Variants in KHDRBS2 observed in about 807,000 individuals in gnomAD.
KHDRBS2 encodes the protein KH domain-containing, RNA-binding, signal transduction-associated protein 2.
In KHDRBS2, 26 loss-of-function variants were observed where a neutral mutation model predicts 44.3. That is an observed-to-expected ratio of 0.59 (90% CI 0.43 to 0.81). KHDRBS2 has a LOEUF of 0.81. Ranked by LOEUF, KHDRBS2 falls within the 40% of genes least tolerant of loss-of-function variation. The pLI, the probability that KHDRBS2 is intolerant of heterozygous loss-of-function variation, is 0.00. For missense variants in KHDRBS2, 476 were observed against 433.1 expected (o/e 1.10, Z -0.88); for synonymous variants, 194 against 151.1 (o/e 1.28, Z -2.08).
At chr6:62,064,659 A>T (rs1793056715) in intron 2 of KHDRBS2, among the ~76,000 whole-genome samples, 1 of 151,932 alleles carries the variant, frequency 6.6e-6, no homozygotes, top group Non-Finnish European at 1.5e-5. Context: ...TGAACGTTAG[A>T]CCTAAAACCA....
intron 4 of KHDRBS2, among the ~76,000 whole-genome samples, chr6:61,973,208 T>A (rs1040754864): frequency 2.6e-5 from 4 of 152,182 alleles, no homozygotes; most frequent in African/African-American, 9.6e-5. Flanking sequence ...CAGGGACACA[T>A]TTTTATATTT....
intron 6 of KHDRBS2, among the ~76,000 whole-genome samples, chr6:61,868,234 G>A (rs968035205): frequency 2.0e-5 from 3 of 152,148 alleles, no homozygotes; most frequent in Non-Finnish European, 2.9e-5. Context: ...AAGCAGCCAA[G>A]CCATGATGGG....
Position 62,239,031 on chromosome 6 carries a change from T to A in KHDRBS2, c.91+46827A>T, listed in dbSNP as rs191226612. On this transcript the variant is annotated intron_variant, in intron 1 of 8. Coordinates refer to ENST00000281156, the MANE Select transcript of KHDRBS2 (RefSeq NM_152688.4). ...TTATGAAAGACAAAGATGTTAGGGA[T>A]TAAAGAGACATGACAACCCAATGTA... is the stretch of plus-strand genomic sequence containing the variant. Among the ~76,000 whole-genome samples the A allele has an allele frequency of 2.4e-3, 359 of 152,272 alleles. 1 individual carries two copies. The highest frequency in any genetic ancestry group is 2.5e-3 in the Non-Finnish European group (167 of 68,006).
At chr6:62,015,080 A>G (rs1033970753) in intron 3 of KHDRBS2, among the ~76,000 whole-genome samples, 2 of 152,168 alleles carry the variant, frequency 1.3e-5, no homozygotes, top group African/African-American at 4.8e-5. Context: ...CTGAATGTTA[A>G]TGCAACAAGG....
At chr6:62,188,334 T>C (rs757897989) in intron 1 of KHDRBS2, among the ~76,000 whole-genome samples, 2 of 152,154 alleles carry the variant, frequency 1.3e-5, no homozygotes, top group Non-Finnish European at 2.9e-5. Flanking sequence ...CCCCTGGTAA[T>C]CACAATTCTA....
At chr6:61,719,771 A>T (rs4710260) in intron 7 of KHDRBS2, among the ~76,000 whole-genome samples, 24,983 of 151,410 alleles carry the variant, frequency 0.17, 2,502 homozygotes, top group East Asian at 0.29. Context: ...TCTTTTTTTT[A>T]AATTTATTTA....
chr6:61,717,359 A>G (rs1771623544), intron 7 of KHDRBS2, among the ~76,000 whole-genome samples: 2 of 151,994 alleles, frequency 1.3e-5, no homozygotes, highest in African/African-American at 4.8e-5. Flanking sequence ...GAGAGAGAGA[A>G]AAAAAACAGT....
At chr6:62,263,881 T>C (rs1013400447) in intron 1 of KHDRBS2, among the ~76,000 whole-genome samples, 7 of 151,752 alleles carry the variant, frequency 4.6e-5, no homozygotes, top group African/African-American at 1.7e-4. Context: ...AATCAGAAAA[T>C]GCTTTAATTT....
chr6:62,074,202 A>C (rs959715550), intron 2 of KHDRBS2, among the ~76,000 whole-genome samples: 47 of 151,938 alleles, frequency 3.1e-4, no homozygotes, highest in African/African-American at 1.1e-3. Flanking sequence ...AACACAAATT[A>C]AATAAGCTAG....
the KHDRBS2 span, among the ~76,000 whole-genome samples, chr6:61,660,799 T>C: frequency 2.6e-5 from 4 of 151,884 alleles, no homozygotes; most frequent in Admixed American, 2.6e-4. Flanking sequence ...AAAAAGGTGA[T>C]ACTTGGCAGG....
chr6:61,840,309 CTG>C (rs755816149), intron 6 of KHDRBS2, among the ~76,000 whole-genome samples: 4 of 152,044 alleles, frequency 2.6e-5, no homozygotes, highest in Admixed American at 6.6e-5. Flanking sequence ...ATAAAAATGA[CTG>C]TGGTTGCTTG....
At chr6:62,272,805 G>A (rs1041637159) in intron 1 of KHDRBS2, among the ~76,000 whole-genome samples, 6 of 152,090 alleles carry the variant, frequency 3.9e-5, no homozygotes, top group South Asian at 2.1e-4. Flanking sequence ...TTATAATATC[G>A]TATGTAGTTT....
the KHDRBS2 span, among the ~76,000 whole-genome samples, chr6:61,624,291 A>G: frequency 1.6e-3 from 243 of 152,260 alleles, no homozygotes; most frequent in African/African-American, 5.6e-3. Context: ...GTGGCTATAC[A>G]CTGGCTCTGT....
chr6:61,853,281 G>A (rs1795714056), intron 6 of KHDRBS2, among the ~76,000 whole-genome samples: 2 of 151,958 alleles, frequency 1.3e-5, no homozygotes, highest in Admixed American at 1.3e-4. Flanking sequence ...TGGTTATTAA[G>A]GCTATTTTTA....
At chr6:61,909,927 T>C (rs1805742722) in intron 4 of KHDRBS2, among the ~76,000 whole-genome samples, 2 of 152,342 alleles carry the variant, frequency 1.3e-5, no homozygotes, top group Middle Eastern at 3.4e-3. Flanking sequence ...ACTGTGTTTA[T>C]AGCCACTGGT....
the KHDRBS2 span, among the ~76,000 whole-genome samples, chr6:61,628,210 CTTTTTTTTTTTTTTTT>C: frequency 3.6e-5 from 3 of 82,312 alleles, no homozygotes; most frequent in African/African-American, 1.1e-4. Flanking sequence ...CATGTGTAGC[CTTTTTTTTTTTTTTTT>C]TTTTTTTTTT....
Position 61,848,552 on chromosome 6 carries a change from C to T in KHDRBS2, c.810+46083G>A, listed in dbSNP as rs9445500. 6.0e-3 allele frequency among the ~76,000 whole-genome samples: 224 copies of T among 37,070 alleles called. 14 individuals are homozygous for T. Among genetic ancestry groups the T allele is most frequent in the Middle Eastern group, 0.014 (1 of 74 alleles). The allele number at this position is 37,070 out of a possible 152,430, so 24.3% of individuals were successfully genotyped here. ...ATATACATATATATGTATATATATA[C>T]ATATATATATGTATATATATATACA... On this transcript the variant is annotated intron_variant, in intron 6 of 8. Coordinates refer to ENST00000281156, the MANE Select transcript of KHDRBS2 (RefSeq NM_152688.4).
chr6:61,629,478 C>T, the KHDRBS2 span, among the ~76,000 whole-genome samples: 177 of 152,120 alleles, frequency 1.2e-3, 1 homozygote, highest in African/African-American at 4.1e-3. Context: ...TTCAGTCTCG[C>T]TAGTCAAAAA....
At chr6:61,719,260 G>C (rs1018910935) in intron 7 of KHDRBS2, among the ~76,000 whole-genome samples, 1 of 152,008 alleles carries the variant, frequency 6.6e-6, no homozygotes, top group Non-Finnish European at 1.5e-5. Context: ...GATCTGAATT[G>C]GTCTTTTGGC....
Sources: gnomAD v4.1 joint callset for allele counts (sites outside exome capture counted in the v4.1 genomes callset) on GRCh38, gnomAD v4.1.1 for gene constraint, MANE v1.5 for transcripts, NCBI Gene and HGNC (gene_info 2026-07-23, HGNC 2026-07-21) for gene names.